Variants in CCDC30 observed in about 807,000 individuals in gnomAD.
The protein encoded by CCDC30 is coiled-coil domain containing 30, also known as coiled-coil domain-containing protein 30.
In CCDC30, 70 loss-of-function variants were observed where a neutral mutation model predicts 100.2. The ratio of observed to expected loss-of-function variants is 0.70; its 90% CI spans 0.58 to 0.85. The LOEUF (loss-of-function observed/expected upper bound fraction) is 0.85, where lower values mean the gene tolerates loss of function less well. Ranked by LOEUF, CCDC30 falls within the 40% of genes least tolerant of loss-of-function variation. The pLI is 0.00. For synonymous variants in CCDC30, 233 were observed against 269.5 expected (o/e 0.86, Z 1.33); for missense variants, 652 against 771.2 (o/e 0.85, Z 1.83).
At chr1:42,644,903 T>A in intron 14 of CCDC30, 96 bp downstream of exon 18, 1 of 766,864 alleles carries the variant, frequency 1.3e-6, no homozygotes, top group Non-Finnish European at 2.2e-6. Context: ...TATATAGCTG[T>A]AGCTGGGCTC....
intron 2 of CCDC30, among the ~76,000 whole-genome samples, chr1:42,481,404 T>A (rs550385638): frequency 6.6e-6 from 1 of 151,900 alleles, no homozygotes; most frequent in Non-Finnish European, 1.5e-5. Flanking sequence ...GGTGAAACCC[T>A]GTCTCTACTA....
intron 7 of CCDC30, among the ~76,000 whole-genome samples, chr1:42,568,406 G>A (rs1257878538): frequency 6.6e-6 from 1 of 152,026 alleles, no homozygotes; most frequent in Non-Finnish European, 1.5e-5. Flanking sequence ...TGAGCCACCG[G>A]GCACTGCCTG....
At chr1:42,480,619 A>G in intron 2 of CCDC30, 53 bp downstream of exon 2, 1 of 985,156 alleles carries the variant, frequency 1.0e-6, no homozygotes. Flanking sequence ...AGACTGATTT[A>G]TGTACGTTTC....
At chr1:42,630,953 A>G (rs1414310112) in intron 11 of CCDC30, among the ~76,000 whole-genome samples, 10 of 152,186 alleles carry the variant, frequency 6.6e-5, no homozygotes, top group Admixed American at 5.9e-4. Context: ...CTGTTTCTCC[A>G]GGATGGGTCC....
intron 10 of CCDC30, among the ~76,000 whole-genome samples, chr1:42,606,143 G>A (rs779486138): frequency 3.3e-5 from 5 of 152,100 alleles, no homozygotes; most frequent in Non-Finnish European, 7.4e-5. Context: ...CATACATAGC[G>A]TCATTTGCAG....
chr1:42,588,311 A>G (rs145705743), intron 9 of CCDC30, among the ~76,000 whole-genome samples: 37 of 152,142 alleles, frequency 2.4e-4, no homozygotes, highest in African/African-American at 8.9e-4. Flanking sequence ...TGGAGGGAAA[A>G]TTTCCCCTCC....
intron 6 of CCDC30, among the ~76,000 whole-genome samples, chr1:42,544,910 C>T (rs71654246): frequency 1.6e-3 from 250 of 152,122 alleles, no homozygotes; most frequent in African/African-American, 4.8e-3. Context: ...ATCTAATATT[C>T]TTATAGATAT....
chr1:42,577,177 T>C (rs751796287), exon 8 of CCDC30: 5 of 1,614,074 alleles, frequency 3.1e-6, no homozygotes, highest in Non-Finnish European at 3.4e-6. Context: ...CAGAACAACC[T>C]ACAGGAAAAG....
intron 1 of CCDC30, among the ~76,000 whole-genome samples, chr1:42,474,417 A>C (rs183276767): frequency 6.6e-6 from 1 of 152,340 alleles, no homozygotes; most frequent in East Asian, 1.9e-4. Context: ...CAAGTGTTCA[A>C]TAAATGATAG....
At chr1:42,524,213 C>T (rs937685610) in intron 6 of CCDC30, among the ~76,000 whole-genome samples, 3 of 151,096 alleles carry the variant, frequency 2.0e-5, no homozygotes, top group South Asian at 2.1e-4. Flanking sequence ...AAATCAGATT[C>T]GCCACCCTCC....
At chr1:42,565,704 G>A (rs1036467081) in intron 6 of CCDC30, among the ~76,000 whole-genome samples, 2 of 152,178 alleles carry the variant, frequency 1.3e-5, no homozygotes, top group Admixed American at 6.5e-5. Flanking sequence ...CAAGGGATAT[G>A]AAACCAGTAT....
chr1:42,556,397 G>A, intron 6 of CCDC30: 1 of 1,608,422 alleles, frequency 6.2e-7, no homozygotes, highest in Non-Finnish European at 8.5e-7. Context: ...AGATGACAGT[G>A]GTGCCCAGGT....
chr1:42,642,514 C>G, exon 13 of CCDC30: 1 of 1,598,858 alleles, frequency 6.3e-7, no homozygotes, highest in Non-Finnish European at 8.5e-7. Flanking sequence ...AAAATGATAC[C>G]CTGCTTCTAG....
At chr1:42,487,525 TC>T (rs1644072008) in intron 3 of CCDC30, among the ~76,000 whole-genome samples, 1 of 152,198 alleles carries the variant, frequency 6.6e-6, no homozygotes, top group South Asian at 2.1e-4. Flanking sequence ...AGGGAGATTA[TC>T]TTACTTGAGC....
At chr1:42,575,717 G>C (rs1292767800) in intron 7 of CCDC30, among the ~76,000 whole-genome samples, 1 of 151,318 alleles carries the variant, frequency 6.6e-6, no homozygotes, top group Admixed American at 6.6e-5. Flanking sequence ...GTGGGGAAAG[G>C]GGATATAAAC....
chr1:42,543,130 C>A (rs1414653468), intron 6 of CCDC30, among the ~76,000 whole-genome samples: 1 of 151,900 alleles, frequency 6.6e-6, no homozygotes, highest in Admixed American at 6.6e-5. Flanking sequence ...CCTGCCACCA[C>A]GCCCAGCTAA....
intron 6 of CCDC30, among the ~76,000 whole-genome samples, chr1:42,546,751 C>T (rs1375295400): frequency 6.6e-6 from 1 of 151,734 alleles, no homozygotes; most frequent in African/African-American, 2.4e-5. Flanking sequence ...GTTAATTTTG[C>T]CCTCTAAAGG....
At chr1:42,456,980 G>T in the CCDC30 span, 1 of 1,603,046 alleles carries the variant, frequency 6.2e-7, no homozygotes, top group African/African-American at 1.3e-5. Flanking sequence ...CCAGGAGGCT[G>T]CGGCTGCAGG....
At chr1:42,460,920 C>T (rs1020121802), upstream of CCDC30, among the ~76,000 whole-genome samples, 7 of 152,238 alleles carry the variant, frequency 4.6e-5, no homozygotes, top group South Asian at 2.1e-4. Context: ...AGCAGTGTTA[C>T]ACCACTGCCC....
Sources: gnomAD v4.1 joint callset for allele counts (sites outside exome capture counted in the v4.1 genomes callset) on GRCh38, gnomAD v4.1.1 for gene constraint, MANE v1.5 for transcripts, NCBI Gene and HGNC (gene_info 2026-07-23, HGNC 2026-07-21) for gene names.